The following NRXN3 variants were observed in gnomAD, a reference collection of about 807,000 sequenced individuals.
The protein encoded by NRXN3 is neurexin 3.
Under a neutral mutation model 137.6 loss-of-function variants are expected in NRXN3, and 32 were observed. The observed-to-expected ratio is 0.23, with a 90% CI of 0.18 to 0.31. The LOEUF (loss-of-function observed/expected upper bound fraction) is 0.31. NRXN3 is among the 10% of genes least tolerant of loss of function. The pLI is 1.00. For missense variants in NRXN3, 1,574 were observed against 2,062.5 expected (o/e 0.76, Z 4.59); for synonymous variants, 798 against 784.5 (o/e 1.02, Z -0.29).
rs869170695 is a variant in NRXN3, at chr14:79,441,366, C to CTTTTTTTTTT, written c.3263-25833_3263-25824dup. Among the ~76,000 whole-genome samples, 39 of 67,250 alleles carry CTTTTTTTTTT rather than the reference C, an allele frequency of 5.8e-4. 7 individuals are homozygous for CTTTTTTTTTT. The East Asian group carries it at 9.3e-3, about 16-fold the overall frequency. 44.1% of individuals were successfully genotyped at this position (67,250 alleles called of 152,430 possible). ...GAATATCCCTGGACAAACAGAAAAT[C>CTTTTTTTTTT]TTTTTTTTTTTTTTTTTTTTTTTTT... On this transcript the variant is annotated intron_variant, in intron 15 of 20. Transcript: ENST00000335750.
At chr14:79,807,868 G>A (rs2099214615) in intron 20 of NRXN3, among the ~76,000 whole-genome samples, 1 of 152,072 alleles carries the variant, frequency 6.6e-6, no homozygotes. Flanking sequence ...GATATACAGG[G>A]AAATACGTCA....
chr14:79,211,870 C>T (rs1475147551), intron 15 of NRXN3, among the ~76,000 whole-genome samples: 1 of 152,136 alleles, frequency 6.6e-6, no homozygotes, highest in Non-Finnish European at 1.5e-5. Context: ...GACTCCCCTA[C>T]CCTCACTGTT....
At chr14:78,911,804 C>T (rs1203258772) in intron 10 of NRXN3, among the ~76,000 whole-genome samples, 4 of 152,124 alleles carry the variant, frequency 2.6e-5, no homozygotes, top group African/African-American at 9.6e-5. Context: ...AAGAGTTAAA[C>T]ACAAGACCCT....
At chr14:79,671,552 A>G (rs2098607976) in intron 17 of NRXN3, among the ~76,000 whole-genome samples, 1 of 152,054 alleles carries the variant, frequency 6.6e-6, no homozygotes, top group Admixed American at 6.6e-5. Context: ...TGCCATATCT[A>G]TGCAAAAAGA....
chr14:78,607,369 A>G (rs2097261765), intron 4 of NRXN3, among the ~76,000 whole-genome samples: 1 of 152,118 alleles, frequency 6.6e-6, no homozygotes, highest in Non-Finnish European at 1.5e-5. Flanking sequence ...TTAATCCTAA[A>G]GGACCAAGGT....
At position 79,850,792 on chromosome 14, in the gene NRXN3, G is replaced by A. The variant is rs946860756; in HGVS notation, c.4094-10550G>A. On this transcript the variant is annotated intron_variant, in intron 20 of 20. Coordinates refer to ENST00000335750, the MANE Select transcript of NRXN3 (RefSeq NM_001330195.2). ...GTGACATGATTATGAACTGCTATTA[G>A]CAAGCAATGTCATTTTGTATCTTAG... Among the ~76,000 whole-genome samples the A allele has an allele frequency of 3.9e-5, 6 of 152,136 alleles. No homozygotes were observed. The South Asian group carries it at 1.2e-3, about 31-fold the overall frequency.
At chr14:79,350,726 C>T (rs775986579) in intron 15 of NRXN3, among the ~76,000 whole-genome samples, 2 of 151,952 alleles carry the variant, frequency 1.3e-5, no homozygotes, top group African/African-American at 4.8e-5. Flanking sequence ...AGTTTAAAAT[C>T]GGGGCCATCT....
At chr14:78,825,378 A>C (rs572138826) in intron 10 of NRXN3, among the ~76,000 whole-genome samples, 3 of 152,246 alleles carry the variant, frequency 2.0e-5, no homozygotes, top group African/African-American at 7.2e-5. Context: ...AAAGAATGGA[A>C]CCTTCAGGTC....
At chr14:78,687,996 TG>T (rs1030384253) in intron 6 of NRXN3, among the ~76,000 whole-genome samples, 45 of 152,330 alleles carry the variant, frequency 3.0e-4, no homozygotes, top group African/African-American at 1.0e-3. Context: ...AGGAATGAGC[TG>T]GGGGGATGTG....
chr14:79,146,536 T>C (rs982203395), intron 15 of NRXN3, among the ~76,000 whole-genome samples: 29 of 151,440 alleles, frequency 1.9e-4, no homozygotes, highest in African/African-American at 6.8e-4. Context: ...GAGTGTAGAG[T>C]TGTCAGGAGT....
At chr14:78,371,253 G>T (rs1416631307) in intron 4 of NRXN3, among the ~76,000 whole-genome samples, 1 of 152,220 alleles carries the variant, frequency 6.6e-6, no homozygotes, top group East Asian at 1.9e-4. Context: ...GAGAGGAGAA[G>T]AAGCAACTGG....
At chr14:78,965,521 C>G (rs150757552) in intron 11 of NRXN3, among the ~76,000 whole-genome samples, 154 of 152,206 alleles carry the variant, frequency 1.0e-3, no homozygotes, top group Middle Eastern at 6.8e-3. Flanking sequence ...AGAAAAATTA[C>G]GTGTTATTAT....
intron 10 of NRXN3, among the ~76,000 whole-genome samples, chr14:78,863,748 C>A (rs1397868288): frequency 6.6e-6 from 1 of 152,030 alleles, no homozygotes; most frequent in African/African-American, 2.4e-5. Flanking sequence ...ATTTAATAAT[C>A]CATAAAAATA....
intron 16 of NRXN3, among the ~76,000 whole-genome samples, chr14:79,516,394 T>C (rs1185542553): frequency 6.6e-6 from 1 of 152,122 alleles, no homozygotes; most frequent in Non-Finnish European, 1.5e-5. Flanking sequence ...TTTGTAAATA[T>C]GATTTAAAAA....
Position 78,963,821 on chromosome 14 carries a change from G to A in NRXN3, c.2396-2204G>A, listed in dbSNP as rs573188188. ...TTTATTTTTTTAGAGACAGCATCTC[G>A]CTGTGTTACCTAGGCTGGAGTGCAG... On this transcript the variant is annotated intron_variant, in intron 11 of 20. Coordinates refer to ENST00000335750, the MANE Select transcript of NRXN3 (RefSeq NM_001330195.2). Among the ~76,000 whole-genome samples, 6 of 152,010 alleles carry A rather than the reference G, an allele frequency of 3.9e-5. No individual in the cohort carries two copies. The South Asian group carries it at 6.2e-4, about 16-fold the overall frequency.
chr14:78,216,778 C>T (rs1387532058), intron 1 of NRXN3, among the ~76,000 whole-genome samples: 1 of 152,136 alleles, frequency 6.6e-6, no homozygotes, highest in Non-Finnish European at 1.5e-5. Context: ...GGCCACGGTC[C>T]CTCTGAAGGC....
At position 79,740,147 on chromosome 14, in the gene NRXN3, C is replaced by T. The variant is rs1299930195; in HGVS notation, c.4014+42210C>T. 2.0e-5 allele frequency among the ~76,000 whole-genome samples: 3 copies of T among 152,098 alleles called. No homozygotes were observed. In the East Asian group the frequency reaches 5.8e-4, roughly 29 times the overall value. ...TGAAACCTTGGAATCATCTTTCACT[C>T]CTCCCTCCCCCTTTATATTCAGTCA... On this transcript the variant is annotated intron_variant, in intron 19 of 20. Transcript: ENST00000335750.
intron 14 of NRXN3, among the ~76,000 whole-genome samples, chr14:78,974,895 C>A (rs1052826288): frequency 2.0e-4 from 30 of 152,194 alleles, no homozygotes; most frequent in Middle Eastern, 3.4e-3. Flanking sequence ...GAAGCCTAGA[C>A]AAAAATGTAT....
At chr14:78,181,334 C>T (rs2059788282) in intron 1 of NRXN3, among the ~76,000 whole-genome samples, 1 of 152,216 alleles carries the variant, frequency 6.6e-6, no homozygotes, top group Non-Finnish European at 1.5e-5. Flanking sequence ...TCTTCTGTGG[C>T]CAGGTGAGGT....
Sources: gnomAD v4.1 joint callset for allele counts (sites outside exome capture counted in the v4.1 genomes callset) on GRCh38, gnomAD v4.1.1 for gene constraint, MANE v1.5 for transcripts, NCBI Gene and HGNC (gene_info 2026-07-23, HGNC 2026-07-21) for gene names.